NCOR1: variants seen among roughly 807,000 people sequenced by gnomAD.
NCOR1 encodes protein phosphatase 1, regulatory subunit 109.
A neutral mutation model predicts 288.1 loss-of-function variants in NCOR1; 63 were observed. That is an observed-to-expected ratio of 0.22 (90% CI 0.18 to 0.27). The LOEUF (loss-of-function observed/expected upper bound fraction) is 0.27. Ranked by LOEUF, NCOR1 falls within the 10% of genes least tolerant of loss-of-function variation. The pLI, the probability that NCOR1 is intolerant of heterozygous loss-of-function variation, is 1.00. For missense variants in NCOR1, 2,397 were observed against 3,019.2 expected (o/e 0.79, Z 4.83); for synonymous variants, 1,007 against 1,065.9 (o/e 0.94, Z 1.08).
In NCOR1 at chr17:16,060,444, T is replaced by C. The variant is rs142821189; in HGVS notation, c.5881+957A>G. Among the ~76,000 whole-genome samples, 1,016 of 152,306 alleles carry C rather than the reference T, an allele frequency of 6.7e-3. 6 individuals are homozygous for C. Among genetic ancestry groups the C allele is most frequent in the Middle Eastern group, 0.02 (6 of 294 alleles). On this transcript the variant is annotated intron_variant, in intron 37 of 45. Coordinates refer to ENST00000268712, the MANE Select transcript of NCOR1 (RefSeq NM_006311.4). ...TTCAAAAGACCTATTCATACAACTA[T>C]AGAATATCTCTTTCTCAGCTAGCAA...
At chr17:16,036,274 G>T (rs2056347643) in intron 44 of NCOR1, among the ~76,000 whole-genome samples, 1 of 152,190 alleles carries the variant, frequency 6.6e-6, no homozygotes, top group South Asian at 2.1e-4. Flanking sequence ...CTAAGCAGTA[G>T]GTCTGAACAG....
chr17:16,071,642 T>A lies in NCOR1; in HGVS notation c.3919A>T (p.Ser1307Cys), dbSNP rs761170954. The A allele has an allele frequency of 6.2e-7, 1 of 1,612,996 alleles. No homozygotes were observed. The highest frequency in any genetic ancestry group is 1.1e-5 in the South Asian group (1 of 90,862). The change falls in exon 30 of 46, where the codon AGC (serine) becomes TGC (cysteine). Residue 1307 changes from serine to cysteine, a missense_variant. By Grantham distance (112) the Ser-to-Cys change is moderately radical (BLOSUM62 -1). Around this residue, in one of 11 missense-constraint regions of NCOR1, gnomAD observed 1,872 missense variants for 2,187.8 expected, o/e 0.86. Transcript: ENST00000268712. ...MQGTPRATTE[S>C]FEDGLKYPKQ... Reference sequence around the variant, plus strand: ...GGATATTTAAGGCCATCTTCAAAGCTTTCAGTTGTTGCTCTTGGTGTCCCT... The same window carrying A: ...GGATATTTAAGGCCATCTTCAAAGCATTCAGTTGTTGCTCTTGGTGTCCCT...
intron 17 of NCOR1, among the ~76,000 whole-genome samples, 180 bp from the exon 18 acceptor site, chr17:16,118,207 A>G (rs1339406726): frequency 2.6e-5 from 4 of 152,202 alleles, no homozygotes; most frequent in Non-Finnish European, 4.4e-5. Context: ...AAACTCATTT[A>G]CAGTTCTATA....
chr17:16,047,208 G>A, intron 41 of NCOR1, 115 bp from the exon 42 acceptor site: 1 of 1,081,044 alleles, frequency 9.3e-7, no homozygotes, highest in Non-Finnish European at 1.3e-6. Flanking sequence ...TCCTCATCCT[G>A]TGTTTGTGGT....
intron 4 of NCOR1, among the ~76,000 whole-genome samples, chr17:16,167,481 A>T (rs2082233412): frequency 6.6e-6 from 1 of 152,136 alleles, no homozygotes; most frequent in Non-Finnish European, 1.5e-5. Context: ...TAAAGGATTC[A>T]CATTATCTTG....
chr17:16,138,463 C>T (rs6502491), intron 12 of NCOR1, among the ~76,000 whole-genome samples: 87,762 of 151,986 alleles, frequency 0.58, 25,920 homozygotes, highest in African/African-American at 0.66. Context: ...CACATGCCTG[C>T]AGTCCCACCT....
chr17:16,168,684 G>C (rs548353718), intron 4 of NCOR1, among the ~76,000 whole-genome samples: 1 of 151,902 alleles, frequency 6.6e-6, no homozygotes, highest in Non-Finnish European at 1.5e-5. Context: ...CCTAAATAAT[G>C]TATGGGCCAG....
intron 4 of NCOR1, among the ~76,000 whole-genome samples, chr17:16,168,895 T>A (rs1038506933): frequency 6.7e-6 from 1 of 150,192 alleles, no homozygotes. Context: ...TGCTGGGAGG[T>A]ATAGGTTGCA....
At chr17:16,054,070 T>TAAAAAAAA (rs752015595) in intron 40 of NCOR1, among the ~76,000 whole-genome samples, 15 of 72,088 alleles carry the variant, frequency 2.1e-4, no homozygotes, top group East Asian at 7.3e-4. Context: ...GACTTAAATG[T>TAAAAAAAA]AAAAAAAAAA....
rs1004960675 is a variant in NCOR1, at chr17:16,215,460, G to A, written c.-169C>T. ...CTACACCGGGACCTCGTTCGGCGCG[G>A]CGAGTCGGACGCTCACTCCAGCCGC... is the stretch of plus-strand genomic sequence containing the variant. On this transcript the variant is annotated 5_prime_UTR_variant, in exon 1 of 46. Transcript: ENST00000268712. 8.8e-5 allele frequency: 35 copies of A among 397,740 alleles called. No individual in the cohort carries two copies. The highest frequency in any genetic ancestry group is 1.4e-4 in the Non-Finnish European group (32 of 225,588). 24.6% of individuals were successfully genotyped at this position (397,740 alleles called of 1,614,324 possible). A position where few individuals can be genotyped will look rare whatever the true frequency, so the allele number is the denominator to read the frequency against.
chr17:16,064,963 T>C lies in NCOR1; in HGVS notation c.5008A>G (p.Thr1670Ala), dbSNP rs150634298. 292 of 1,613,834 alleles carry C rather than the reference T, an allele frequency of 1.8e-4. 2 individuals carry two copies. In the East Asian group the frequency reaches 5.4e-3, roughly 30 times the overall value. The change falls in exon 34 of 46, where the codon ACA becomes GCA. Residue 1670 changes from threonine to alanine, a missense_variant. This residue lies in a region of NCOR1 where 1,872 missense variants were observed against 2,187.8 expected (regional missense o/e 0.86). Transcript: ENST00000268712. The part of the protein sequence containing the change: ...PTILVPHPGG[T>A]STPPMDRITY... ...ATTCTGTCCATGGGAGGAGTGCTTG[T>C]TCCCCCTGGATGAGGCACTAAAATT...
Position 16,103,437 on chromosome 17 carries a change from ACTCACTCT to A in NCOR1, c.2183-1688_2183-1681del, listed in dbSNP as rs1382790113. ...TTAAAAGCCAGATTTTACCACAATA[ACTCACTCT>A]CTCACTCTCATAACTTTTCAGTGGA... On this transcript the variant is annotated intron_variant, in intron 19 of 45. Coordinates refer to ENST00000268712, the MANE Select transcript of NCOR1 (RefSeq NM_006311.4). 2.0e-5 allele frequency among the ~76,000 whole-genome samples: 3 copies of A among 152,062 alleles called. No homozygotes were observed. In the East Asian group the frequency reaches 5.8e-4, roughly 29 times the overall value.
chr17:16,062,311 G>A (rs574545953), intron 35 of NCOR1, 41 bp from the exon 36 acceptor site: 2 of 1,536,322 alleles, frequency 1.3e-6, no homozygotes, highest in East Asian at 2.3e-5. Context: ...GACATAAGGA[G>A]GAAGCCAGAG....
At chr17:16,158,396 T>G (rs1490714807) in intron 6 of NCOR1, among the ~76,000 whole-genome samples, 1 of 152,226 alleles carries the variant, frequency 6.6e-6, no homozygotes, top group Non-Finnish European at 1.5e-5. Context: ...GTAGTCAGCA[T>G]TAAACATCAT....
At chr17:16,167,647 G>C (rs2082263181) in intron 4 of NCOR1, among the ~76,000 whole-genome samples, 2 of 151,748 alleles carry the variant, frequency 1.3e-5, no homozygotes, top group South Asian at 4.2e-4. Flanking sequence ...ATCACTAGAG[G>C]TCAGGAGTTC....
chr17:16,175,987 T>C (rs1158057592), intron 3 of NCOR1, among the ~76,000 whole-genome samples: 2 of 151,934 alleles, frequency 1.3e-5, no homozygotes, highest in African/African-American at 2.4e-5. Flanking sequence ...GAGGTCAAGG[T>C]GGGTGGATCA....
chr17:16,114,942 C>CA (rs1218270608), intron 18 of NCOR1, among the ~76,000 whole-genome samples: 3 of 152,148 alleles, frequency 2.0e-5, no homozygotes, highest in Non-Finnish European at 4.4e-5. Context: ...TCTGACCCCC[C>CA]ATTTCCCTTC....
At position 16,032,051 on chromosome 17, in the gene NCOR1, T is replaced by G; in HGVS notation, c.*245A>C. 1 of 460,916 alleles carries G rather than the reference T, an allele frequency of 2.2e-6. No individual in the cohort carries two copies. The highest frequency in any genetic ancestry group is 4.0e-5 in the East Asian group (1 of 25,282). The allele number at this position is 460,916 out of a possible 1,614,324, so 28.6% of individuals were successfully genotyped here. ...GTTCACTTTTTAAAAACTCTACATCTCAACCCTCCACTATTATTATAGTCC... is the reference window on the plus strand; with the variant it reads ...GTTCACTTTTTAAAAACTCTACATCGCAACCCTCCACTATTATTATAGTCC... On this transcript the variant is annotated 3_prime_UTR_variant, in exon 46 of 46. Transcript: ENST00000268712.
chr17:16,053,869 A>G (rs938144865), intron 40 of NCOR1, among the ~76,000 whole-genome samples: 1 of 152,058 alleles, frequency 6.6e-6, no homozygotes, highest in Non-Finnish European at 1.5e-5. Flanking sequence ...GGAACAGAAC[A>G]GAGAACCCAG....
Sources: allele counts gnomAD v4.1 joint callset (sites outside exome capture counted in the v4.1 genomes callset), GRCh38; gene constraint gnomAD v4.1.1; regional missense constraint gnomAD v4.1.1; transcripts MANE v1.5; gene names NCBI Gene and HGNC (gene_info 2026-07-23, HGNC 2026-07-21).